Variants in CPNE4 observed in about 807,000 individuals in gnomAD.
CPNE4 encodes the protein copine-4.
Under a neutral mutation model 67.9 loss-of-function variants are expected in CPNE4, and 25 were observed. The ratio of observed to expected loss-of-function variants is 0.37; its 90% CI spans 0.27 to 0.51. CPNE4 has a LOEUF of 0.51. CPNE4 is among the 20% of genes least tolerant of loss of function. The probability of loss-of-function intolerance (pLI) is 0.93; values close to 1 mark genes in which losing one functional copy is unlikely to be tolerated. For missense variants in CPNE4, 464 were observed against 690.8 expected (o/e 0.67, Z 3.68); for synonymous variants, 242 against 244.9 (o/e 0.99, Z 0.11).
chr3:131,602,934 A>G (rs1939287697), intron 7 of CPNE4, among the ~76,000 whole-genome samples: 1 of 152,202 alleles, frequency 6.6e-6, no homozygotes, highest in Admixed American at 6.5e-5. Flanking sequence ...TCAATAAGGC[A>G]GAATAGACCA....
In CPNE4 at chr3:131,903,849, C is replaced by T. The variant is rs878961468; in HGVS notation, c.180+1415G>A. Among the ~76,000 whole-genome samples, 14 of 152,204 alleles carry T rather than the reference C, an allele frequency of 9.2e-5. No homozygotes were observed. The South Asian group carries it at 1.0e-3, about 11-fold the overall frequency. ...TTTCATGATGTGTCCCCTTGTTCTT[C>T]CCCAGGTACCACCATTAGTCAGAGA... On this transcript the variant is annotated intron_variant, in intron 2 of 15. Transcript: ENST00000429747.
At chr3:131,912,026 A>G (rs2088998195) in intron 1 of CPNE4, among the ~76,000 whole-genome samples, 1 of 152,210 alleles carries the variant, frequency 6.6e-6, no homozygotes. Context: ...GCTAGAGAAC[A>G]GGATTAATAT....
chr3:131,885,938 C>T (rs1178725955), intron 2 of CPNE4, among the ~76,000 whole-genome samples: 3 of 152,152 alleles, frequency 2.0e-5, no homozygotes, highest in Non-Finnish European at 4.4e-5. Flanking sequence ...AATTTGCAAC[C>T]TGACAATGCA....
intron 2 of CPNE4, among the ~76,000 whole-genome samples, chr3:131,806,656 G>A (rs1053645318): frequency 1.3e-5 from 2 of 152,048 alleles, no homozygotes; most frequent in Non-Finnish European, 2.9e-5. Context: ...CAAGTGTAGG[G>A]AAAAAGTGAA....
chr3:131,956,287 A>T (rs2107906116), intron 1 of CPNE4, among the ~76,000 whole-genome samples: 1 of 152,090 alleles, frequency 6.6e-6, no homozygotes, highest in East Asian at 1.9e-4. Context: ...TTACCAGTTC[A>T]TTGAGGCTTG....
At chr3:131,708,993 T>TATATATATATAC (rs1440194300) in intron 3 of CPNE4, among the ~76,000 whole-genome samples, 4 of 104,920 alleles carry the variant, frequency 3.8e-5, no homozygotes, top group South Asian at 2.9e-4. Flanking sequence ...TATATATATA[T>TATATATATATAC]ATACATACAC....
chr3:131,766,430 C>T (rs2083017734), intron 2 of CPNE4, among the ~76,000 whole-genome samples: 1 of 152,052 alleles, frequency 6.6e-6, no homozygotes, highest in African/African-American at 2.4e-5. Flanking sequence ...TTATTTATAA[C>T]AGAAATAGAT....
intron 2 of CPNE4, among the ~76,000 whole-genome samples, chr3:131,772,145 G>A (rs1422807130): frequency 6.6e-6 from 1 of 152,048 alleles, no homozygotes; most frequent in Non-Finnish European, 1.5e-5. Context: ...GCTGTTATAG[G>A]TGGCAGCATC....
intron 15 of CPNE4, among the ~76,000 whole-genome samples, chr3:131,537,888 T>A (rs1935249551): frequency 6.6e-6 from 1 of 152,170 alleles, no homozygotes; most frequent in African/African-American, 2.4e-5. Context: ...ATTTGTATAA[T>A]CCAGGGTTTC....
At chr3:131,916,347 GAAAAAA>G (rs35520224) in intron 1 of CPNE4, among the ~76,000 whole-genome samples, 1 of 117,780 alleles carries the variant, frequency 8.5e-6, no homozygotes. Flanking sequence ...TTTCCAGTTA[GAAAAAA>G]AAAAAAAAAA....
At chr3:131,821,266 A>G (rs1277453397) in intron 2 of CPNE4, among the ~76,000 whole-genome samples, 1 of 152,248 alleles carries the variant, frequency 6.6e-6, no homozygotes, top group Non-Finnish European at 1.5e-5. Flanking sequence ...AATAGAAACT[A>G]GCTTTGGCTA....
At chr3:131,725,903 T>A (rs1352591397) in intron 2 of CPNE4, among the ~76,000 whole-genome samples, 1 of 152,258 alleles carries the variant, frequency 6.6e-6, no homozygotes, top group Non-Finnish European at 1.5e-5. Context: ...CTTCCAGGCC[T>A]TTCTCCTTCA....
At chr3:131,737,718 C>G (rs574539220) in intron 2 of CPNE4, among the ~76,000 whole-genome samples, 2 of 152,044 alleles carry the variant, frequency 1.3e-5, no homozygotes, top group East Asian at 3.9e-4. Flanking sequence ...CATAATAGCC[C>G]TTCTATGCTG....
chr3:131,711,595 C>A (rs1321911141), intron 3 of CPNE4, among the ~76,000 whole-genome samples: 1 of 152,102 alleles, frequency 6.6e-6, no homozygotes, highest in African/African-American at 2.4e-5. Flanking sequence ...GACCTGTGCT[C>A]ACATGGGAAG....
At chr3:131,842,654 A>G (rs2085831560) in intron 2 of CPNE4, among the ~76,000 whole-genome samples, 1 of 151,038 alleles carries the variant, frequency 6.6e-6, no homozygotes, top group Non-Finnish European at 1.5e-5. Context: ...AGTGACAGTT[A>G]CCTCCAACAG....
intron 2 of CPNE4, among the ~76,000 whole-genome samples, chr3:131,877,873 A>T (rs2087520736): frequency 6.6e-6 from 1 of 152,250 alleles, no homozygotes. Context: ...CCCAGCAAAT[A>T]TATAAAACTG....
intron 1 of CPNE4, among the ~76,000 whole-genome samples, chr3:132,030,322 G>T (rs1019970688): frequency 6.6e-6 from 1 of 152,108 alleles, no homozygotes; most frequent in African/African-American, 2.4e-5. Context: ...TAAATTGCTA[G>T]AGTCAGCAGA....
chr3:131,957,996 T>G lies in CPNE4; in HGVS notation c.-1-52552A>C, dbSNP rs2072027692. On this transcript the variant is annotated intron_variant, in intron 1 of 15. Transcript: ENST00000429747. ...GTGGAAGAAGGAGTTAAAGAATACC[T>G]GAGAGTTTGATAGAAAACAACCTGT... 4.6e-5 allele frequency among the ~76,000 whole-genome samples: 7 copies of G among 152,180 alleles called. No individual in the cohort carries two copies. The South Asian group carries it at 1.4e-3, about 32-fold the overall frequency.
At chr3:131,773,270 G>A (rs1164401537) in intron 2 of CPNE4, among the ~76,000 whole-genome samples, 1 of 152,072 alleles carries the variant, frequency 6.6e-6, no homozygotes, top group Non-Finnish European at 1.5e-5. Flanking sequence ...GGACATACCT[G>A]TTTTATTTTA....
Sources: allele counts gnomAD v4.1 joint callset (sites outside exome capture counted in the v4.1 genomes callset), GRCh38; gene constraint gnomAD v4.1.1; transcripts MANE v1.5; gene names NCBI Gene and HGNC (gene_info 2026-07-23, HGNC 2026-07-21).